USH2A: variants seen among roughly 807,000 people sequenced by gnomAD.
USH2A encodes usherin, also known as Usher syndrome 2A (autosomal recessive, mild).
A neutral mutation model predicts 538.9 loss-of-function variants in USH2A; 443 were observed. The ratio of observed to expected loss-of-function variants is 0.82; its 90% CI spans 0.76 to 0.89. The LOEUF is 0.89. Ranked by LOEUF, USH2A falls within the 40% of genes least tolerant of loss-of-function variation. The pLI is 0.00. For synonymous variants in USH2A, 2,413 were observed against 2,273.5 expected (o/e 1.06, Z -1.75); for missense variants, 6,633 against 6,324.8 (o/e 1.05, Z -1.65).
intron 21 of USH2A, among the ~76,000 whole-genome samples, chr1:216,108,864 A>G (rs139889990): frequency 2.0e-5 from 3 of 152,104 alleles, no homozygotes; most frequent in South Asian, 2.1e-4. Flanking sequence ...TATGAATTTT[A>G]CCTTTAATTT....
intron 20 of USH2A, 95 bp downstream of exon 20, chr1:216,190,128 C>T (rs1286246120): frequency 6.5e-7 from 1 of 1,535,914 alleles, no homozygotes; most frequent in Non-Finnish European, 8.9e-7. Flanking sequence ...GAGGAGAAGA[C>T]AAATATAAAG....
At chr1:215,891,553 TA>T (rs1197589505) in intron 40 of USH2A, among the ~76,000 whole-genome samples, 2 of 152,158 alleles carry the variant, frequency 1.3e-5, no homozygotes, top group African/African-American at 4.8e-5. Flanking sequence ...AGTTTGCTAA[TA>T]CAATAAAAAG....
At chr1:216,385,657 C>T (rs17026652) in intron 3 of USH2A, among the ~76,000 whole-genome samples, 20,332 of 152,156 alleles carry the variant, frequency 0.13, 4,002 homozygotes, top group African/African-American at 0.43. Flanking sequence ...TTAATAAGAT[C>T]CCTTCTTTGC....
At chr1:215,891,616 G>A (rs1231363567) in intron 40 of USH2A, among the ~76,000 whole-genome samples, 1 of 152,156 alleles carries the variant, frequency 6.6e-6, no homozygotes, top group Non-Finnish European at 1.5e-5. Flanking sequence ...ACTTTCTAAA[G>A]TAAGAATTCA....
chr1:215,997,384 AT>A (rs2102480693), intron 34 of USH2A, among the ~76,000 whole-genome samples: 1 of 152,236 alleles, frequency 6.6e-6, no homozygotes, highest in East Asian at 1.9e-4. Flanking sequence ...TTTTAGCATC[AT>A]AGAATTTTAT....
chr1:215,991,205 G>A (rs1667996302), intron 35 of USH2A, among the ~76,000 whole-genome samples: 1 of 152,160 alleles, frequency 6.6e-6, no homozygotes, highest in African/African-American at 2.4e-5. Flanking sequence ...CCAACATTAA[G>A]CCATAAATAT....
In USH2A at chr1:215,640,506, A is replaced by ACAGAT. The variant is rs1354301758; in HGVS notation, c.14968+51_14968+52insATCTG. ...AGCTTTCAGATTTAGCATCCCGTAA[A>ACAGAT]GCTGGGGAACAGAGCGCCTTCCACA... On this transcript the variant is annotated intron_variant, in intron 68 of 71. Transcript: ENST00000307340. 4 of 1,610,262 alleles carry ACAGAT rather than the reference A, an allele frequency of 2.5e-6. No homozygotes were observed. In the African/African-American group the frequency reaches 5.3e-5, roughly 22 times the overall value.
intron 48 of USH2A, among the ~76,000 whole-genome samples, 177 bp downstream of exon 48, chr1:215,816,820 A>C (rs2102796083): frequency 6.6e-6 from 1 of 152,220 alleles, no homozygotes; most frequent in Admixed American, 6.6e-5. Flanking sequence ...TGGGAAGGCT[A>C]AAGTGCTCAT....
intron 11 of USH2A, among the ~76,000 whole-genome samples, chr1:216,285,383 G>A (rs1318678216): frequency 1.3e-5 from 2 of 152,252 alleles, no homozygotes; most frequent in African/African-American, 2.4e-5. Context: ...TGTTGGGCCT[G>A]CAGGTGTGCA....
chr1:216,081,115 TGAAAAGCGAG>T (rs1161955382), intron 26 of USH2A, among the ~76,000 whole-genome samples: 1 of 152,104 alleles, frequency 6.6e-6, no homozygotes, highest in Non-Finnish European at 1.5e-5. Flanking sequence ...CTACTAGAAC[TGAAAAGCGAG>T]GTGGCTGGAC....
chr1:216,038,282 A>G (rs1225044899), intron 32 of USH2A, among the ~76,000 whole-genome samples: 2 of 151,994 alleles, frequency 1.3e-5, no homozygotes, highest in Non-Finnish European at 2.9e-5. Context: ...TTCACCAGAA[A>G]TTTGATATTT....
intron 36 of USH2A, among the ~76,000 whole-genome samples, chr1:215,968,727 A>G (rs972998994): frequency 6.6e-5 from 10 of 152,270 alleles, no homozygotes; most frequent in Non-Finnish European, 1.5e-4. Context: ...ATTTATTCTG[A>G]TTTCTGCCAG....
intron 4 of USH2A, among the ~76,000 whole-genome samples, chr1:216,335,163 C>A (rs945799259): frequency 3.3e-5 from 5 of 151,434 alleles, no homozygotes; most frequent in Non-Finnish European, 5.9e-5. Context: ...GTAAAATTAA[C>A]AAATGTGTGA....
chr1:215,956,942 C>T (rs1029274299), intron 37 of USH2A, among the ~76,000 whole-genome samples: 2 of 152,058 alleles, frequency 1.3e-5, no homozygotes, highest in African/African-American at 4.8e-5. Flanking sequence ...CATTCTATAG[C>T]CCAATATTTG....
intron 61 of USH2A, among the ~76,000 whole-genome samples, chr1:215,692,451 A>T (rs1658648705): frequency 7.8e-6 from 1 of 127,976 alleles, no homozygotes; most frequent in Non-Finnish European, 1.6e-5. Flanking sequence ...GATATTTTAC[A>T]TATATATATA....
intron 61 of USH2A, among the ~76,000 whole-genome samples, chr1:215,701,889 T>C (rs1558061109): frequency 6.6e-6 from 1 of 152,240 alleles, no homozygotes. Context: ...TACCCACTAG[T>C]TGATACAGTT....
In USH2A at chr1:215,694,043, C is replaced by T. The variant is rs12062230; in HGVS notation, c.12067-13667G>A. Among the ~76,000 whole-genome samples, 923 of 152,214 alleles carry T rather than the reference C, an allele frequency of 6.1e-3. 12 individuals are homozygous for T. The highest frequency in any genetic ancestry group is 0.02 in the African/African-American group (847 of 41,536). On this transcript the variant is annotated intron_variant, in intron 61 of 71. Coordinates refer to ENST00000307340, the MANE Select transcript of USH2A (RefSeq NM_206933.4). Reference sequence around the variant, plus strand: ...TTTGTGGTTAACTATAAAATGTTCTCATATAAATAAGGCCTATTAGAAAGA... The same window carrying T: ...TTTGTGGTTAACTATAAAATGTTCTTATATAAATAAGGCCTATTAGAAAGA...
rs542551028 is a variant in USH2A at position 215,713,592 on chromosome 1, A to G, written c.12066+14438T>C. Among the ~76,000 whole-genome samples the G allele has an allele frequency of 2.9e-4, 44 of 152,322 alleles. No individual in the cohort carries two copies. In the South Asian group the frequency reaches 8.7e-3, roughly 30 times the overall value. ...TGTTTCTTTGCCTGAATAAGGTAAT[A>G]TCTGTTCTACTTTTCTTCTATTTGA... On this transcript the variant is annotated intron_variant, in intron 61 of 71. Transcript: ENST00000307340.
chr1:215,737,817 A>G (rs1373585376), intron 60 of USH2A, among the ~76,000 whole-genome samples: 2 of 152,046 alleles, frequency 1.3e-5, no homozygotes, highest in Non-Finnish European at 2.9e-5. Context: ...TTAATTATCC[A>G]TTTTATAAAA....
Sources: gnomAD v4.1 joint callset for allele counts (sites outside exome capture counted in the v4.1 genomes callset) on GRCh38, gnomAD v4.1.1 for gene constraint, MANE v1.5 for transcripts, NCBI Gene and HGNC (gene_info 2026-07-23, HGNC 2026-07-21) for gene names.